The following DPP6 variants were observed in gnomAD, a reference collection of about 807,000 sequenced individuals.
DPP6 encodes the protein A-type potassium channel modulatory protein DPP6.
Under a neutral mutation model 122.6 loss-of-function variants are expected in DPP6, and 69 were observed. That is an observed-to-expected ratio of 0.56 (90% CI 0.46 to 0.69). The LOEUF is 0.69. Ranked by LOEUF, DPP6 falls within the 30% of genes least tolerant of loss-of-function variation. DPP6 has a pLI of 0.00. For synonymous variants in DPP6, 418 were observed against 433.1 expected (o/e 0.97, Z 0.43); for missense variants, 928 against 1,116.9 (o/e 0.83, Z 2.41).
At chr7:154,841,071 C>T (rs1801490550) in intron 16 of DPP6, among the ~76,000 whole-genome samples, 1 of 152,160 alleles carries the variant, frequency 6.6e-6, no homozygotes, top group Admixed American at 6.5e-5. Context: ...AACTTAATTG[C>T]TCGGATCGAA....
chr7:154,353,924 C>T (rs1264182901), intron 1 of DPP6, among the ~76,000 whole-genome samples: 1 of 152,206 alleles, frequency 6.6e-6, no homozygotes, highest in East Asian at 1.9e-4. Flanking sequence ...TCCCATTCTA[C>T]TCTGCCCCTT....
At chr7:154,412,288 C>G (rs1816670140) in intron 1 of DPP6, among the ~76,000 whole-genome samples, 1 of 152,178 alleles carries the variant, frequency 6.6e-6, no homozygotes, top group African/African-American at 2.4e-5. Flanking sequence ...GCTGCAAGTC[C>G]AAAGCCAGGT....
At chr7:154,031,162 CAAT>C (rs1430041066) in intron 1 of DPP6, among the ~76,000 whole-genome samples, 3 of 152,084 alleles carry the variant, frequency 2.0e-5, no homozygotes, top group Non-Finnish European at 4.4e-5. Context: ...ACCACTAACA[CAAT>C]GATGATGTGT....
chr7:154,482,537 A>G (rs1051005672), intron 3 of DPP6, among the ~76,000 whole-genome samples: 1 of 152,194 alleles, frequency 6.6e-6, no homozygotes, highest in African/African-American at 2.4e-5. Context: ...CTAACTGAAA[A>G]TGGCCACTAT....
At chr7:154,346,114 C>T (rs910623413) in intron 1 of DPP6, among the ~76,000 whole-genome samples, 1 of 152,150 alleles carries the variant, frequency 6.6e-6, no homozygotes, top group Non-Finnish European at 1.5e-5. Context: ...CAAGCACTTC[C>T]TGTTTACCAG....
At chr7:154,535,236 A>T (rs1054099931) in intron 3 of DPP6, among the ~76,000 whole-genome samples, 1 of 152,156 alleles carries the variant, frequency 6.6e-6, no homozygotes, top group Non-Finnish European at 1.5e-5. Context: ...TTGATCGTAG[A>T]CCCTAAATGA....
chr7:154,221,448 G>A (rs575418339), intron 1 of DPP6, among the ~76,000 whole-genome samples: 10 of 152,084 alleles, frequency 6.6e-5, no homozygotes, highest in African/African-American at 2.2e-4. Flanking sequence ...GCCTACCACT[G>A]TGCTCGACCC....
intron 6 of DPP6, among the ~76,000 whole-genome samples, chr7:154,642,750 G>T (rs1420336270): frequency 6.6e-6 from 1 of 152,066 alleles, no homozygotes; most frequent in African/African-American, 2.4e-5. Context: ...GGCCAACATG[G>T]TGAAACCCCA....
intron 1 of DPP6, among the ~76,000 whole-genome samples, chr7:153,942,766 C>T (rs1801757646): frequency 6.6e-6 from 1 of 152,178 alleles, no homozygotes; most frequent in Non-Finnish European, 1.5e-5. Context: ...GTTCAGGAGA[C>T]CTAGTTATGA....
intron 1 of DPP6, among the ~76,000 whole-genome samples, chr7:154,377,962 G>A (rs1443803981): frequency 6.6e-6 from 1 of 152,196 alleles, no homozygotes; most frequent in Admixed American, 6.5e-5. Context: ...ATGCAAAGGG[G>A]AGCCTTGTCT....
chr7:153,766,730 C>T, the DPP6 span, among the ~76,000 whole-genome samples: 1 of 152,070 alleles, frequency 6.6e-6, no homozygotes, highest in Non-Finnish European at 1.5e-5. Context: ...GTAATAGAGG[C>T]AACCTCGCTA....
At chr7:154,716,273 C>T (rs1841477374) in intron 7 of DPP6, among the ~76,000 whole-genome samples, 1 of 151,932 alleles carries the variant, frequency 6.6e-6, no homozygotes, top group Non-Finnish European at 1.5e-5. Flanking sequence ...GAACACAAGG[C>T]TTCTCCCACC....
intron 1 of DPP6, among the ~76,000 whole-genome samples, chr7:154,078,595 A>T (rs1329043344): frequency 6.6e-6 from 1 of 152,184 alleles, no homozygotes; most frequent in African/African-American, 2.4e-5. Flanking sequence ...AGTGAAGGAA[A>T]TATGAAAATT....
At chr7:154,401,807 G>C (rs995555741) in intron 1 of DPP6, among the ~76,000 whole-genome samples, 18 of 152,108 alleles carry the variant, frequency 1.2e-4, no homozygotes, top group African/African-American at 4.3e-4. Flanking sequence ...GGAGTGAACA[G>C]GCAGCCTACA....
intron 1 of DPP6, among the ~76,000 whole-genome samples, chr7:154,336,427 G>A (rs534127006): frequency 1.1e-4 from 16 of 152,232 alleles, no homozygotes; most frequent in South Asian, 4.1e-4. Flanking sequence ...AGCAGGTGCC[G>A]TGGCCACTGG....
At chr7:154,664,271 G>A (rs1325391777) in intron 6 of DPP6, among the ~76,000 whole-genome samples, 2 of 152,332 alleles carry the variant, frequency 1.3e-5, no homozygotes, top group East Asian at 1.9e-4. Flanking sequence ...TGGCGTATTG[G>A]CCCTAGTGTT....
In DPP6 at chr7:154,052,668, C is replaced by T. The variant is rs1974615; in HGVS notation, c.-153C>T. 695,624 of 1,219,902 alleles carry T rather than the reference C, an allele frequency of 0.57. 200,802 individuals are homozygous for T. Among genetic ancestry groups the T allele is most frequent in the South Asian group, 0.65 (35,358 of 54,272 alleles). 75.6% of individuals were successfully genotyped at this position (1,219,902 alleles called of 1,614,324 possible). On this transcript the variant is annotated 5_prime_UTR_variant, in exon 1 of 26. Coordinates refer to ENST00000377770, the MANE Select transcript of DPP6 (RefSeq NM_130797.4). This position sits in a 1 kb window ranked among gnomAD's most constrained non-coding sequence, Gnocchi z 4.8. Reference sequence around the variant, plus strand: ...GCGAGTGGCGCGCGGGAGGAGCGGCCGCCGGCGCTGGGCTTGCCTTGCTGC... The same window carrying T: ...GCGAGTGGCGCGCGGGAGGAGCGGCTGCCGGCGCTGGGCTTGCCTTGCTGC...
chr7:154,200,051 T>A (rs1799090435), intron 1 of DPP6, among the ~76,000 whole-genome samples: 1 of 152,148 alleles, frequency 6.6e-6, no homozygotes, highest in South Asian at 2.1e-4. Context: ...CTCGGAGCTT[T>A]TAAGAAAGAA....
At chr7:154,030,749 C>G (rs1012454631) in intron 1 of DPP6, among the ~76,000 whole-genome samples, 2 of 152,116 alleles carry the variant, frequency 1.3e-5, no homozygotes, top group Non-Finnish European at 2.9e-5. Flanking sequence ...CTTCCCCACT[C>G]CCAGCCATAG....
Sources: gnomAD v4.1 joint callset for allele counts (sites outside exome capture counted in the v4.1 genomes callset) on GRCh38, gnomAD v4.1.1 for gene constraint, Gnocchi (gnomAD v3.1) non-coding constraint, MANE v1.5 for transcripts, NCBI Gene and HGNC (gene_info 2026-07-23, HGNC 2026-07-21) for gene names.